Variants in GP1BA observed in about 807,000 individuals in gnomAD.
The protein encoded by GP1BA is platelet glycoprotein Ib alpha chain.
A neutral mutation model predicts 5.6 loss-of-function variants in GP1BA; 3 were observed. That is an observed-to-expected ratio of 0.53 (90% confidence interval 0.24 to 1.38). The LOEUF (loss-of-function observed/expected upper bound fraction) is 1.38, where lower values mean the gene tolerates loss of function less well. Ranked by LOEUF, GP1BA falls within the 40% of genes most tolerant of loss-of-function variation. GP1BA has a pLI of 0.16. For missense variants in GP1BA, 707 were observed against 801.4 expected, an observed-to-expected ratio of 0.88 and a Z score of 1.42; for synonymous variants, 323 against 358.3, an observed-to-expected ratio of 0.90 and a Z score of 1.11.
At position 4,932,983 on chromosome 17, in the gene GP1BA, C is replaced by A. The variant is rs188674426; in HGVS notation, c.379C>A (p.Arg127=). Residue 127 remains arginine (R), a synonymous_variant, in exon 2 of 2, where the codon CGG becomes AGG. Transcript: ENST00000329125. This position sits in a 1 kb window ranked among gnomAD's most constrained non-coding sequence, Gnocchi z 4.8. ...CACCGTCCTGGACGTCTCCTTCAAC[C>A]GGCTGACCTCGCTGCCTCTTGGTGC... The part of the protein sequence containing the change: ...ALTVLDVSFN[R]LTSLPLGALR... 4 of 1,614,026 alleles carry A rather than the reference C, an allele frequency of 2.5e-6. No individual in the cohort carries two copies. In the Admixed American group the frequency reaches 6.7e-5, roughly 27 times the overall value.
At position 4,932,776 on chromosome 17, in the gene GP1BA, C is replaced by T. The variant is rs751326171; in HGVS notation, c.172C>T (p.Leu58Phe). The change falls in exon 2 of 2, where the codon CTC (leucine) becomes TTC (phenylalanine). Residue 58 changes from leucine to phenylalanine, a missense_variant. Physicochemically the swap from Leu to Phe is conservative, Grantham distance 22. Transcript: ENST00000329125. This position sits in a 1 kb window ranked among gnomAD's most constrained non-coding sequence, Gnocchi z 4.8. Reference sequence around the variant, plus strand: ...AACCATCCTCCACCTGAGTGAGAACCTCCTGTACACCTTCTCCCTGGCAAC... The same window carrying T: ...AACCATCCTCCACCTGAGTGAGAACTTCCTGTACACCTTCTCCCTGGCAAC... ...DTTILHLSEN[L>F]LYTFSLATLM... 1 of 1,614,014 alleles carries T rather than the reference C, an allele frequency of 6.2e-7. No homozygotes were observed. The highest frequency in any genetic ancestry group is 2.2e-5 in the East Asian group (1 of 44,892).
In GP1BA at chr17:4,934,448, CTAATG is replaced by C. The variant is rs772106076; in HGVS notation, c.1845_1849del (p.Asn616ProfsTer29). 6.8e-4 allele frequency: 1,103 copies of C among 1,613,946 alleles called. 1 individual carries two copies. Among genetic ancestry groups the C allele is most frequent in the Non-Finnish European group, 8.4e-4 (997 of 1,179,914 alleles). On this transcript the variant is annotated frameshift_variant, in exon 2 of 2. Transcript: ENST00000329125. LOFTEE classifies it high-confidence loss of function. Reference sequence around the variant, plus strand: ...TCCAGCCTCTTCCTGTGGGTACGGCCTAATGGCCGTGTGGGGCCTCTAGTGGCAGG... The same window carrying C: ...TCCAGCCTCTTCCTGTGGGTACGGCCGCCGTGTGGGGCCTCTAGTGGCAGG...
At position 4,934,881 on chromosome 17, in the gene GP1BA, G is replaced by T; in HGVS notation, c.*318G>T. 1 of 424,498 alleles carries T rather than the reference G, an allele frequency of 2.4e-6. No homozygotes were observed. The highest frequency in any genetic ancestry group is 2.8e-5 in the South Asian group (1 of 35,536). The allele number at this position is 424,498 out of a possible 1,614,324, so 26.3% of individuals were successfully genotyped here. On this transcript the variant is annotated 3_prime_UTR_variant, in exon 2 of 2. Coordinates refer to ENST00000329125, the MANE Select transcript of GP1BA (RefSeq NM_000173.7). ...GCATCTATGCACAGAAGAAAATCTGGAAAGTGATTTATCAGGATGTGAGCA... is the reference window on the plus strand; with the variant it reads ...GCATCTATGCACAGAAGAAAATCTGTAAAGTGATTTATCAGGATGTGAGCA...
In GP1BA at chr17:4,934,170, C is replaced by T. The variant is rs1366265107; in HGVS notation, c.1566C>T (p.His522=). 1.2e-6 allele frequency: 2 copies of T among 1,613,902 alleles called. No individual in the cohort carries two copies. The highest frequency in any genetic ancestry group is 1.1e-5 in the South Asian group (1 of 91,082). ...GCTCCAGAAATGACCCTTTTCTCCACCCCGACTTTTGCTGCCTCCTCCCCC... is the reference window on the plus strand; with the variant it reads ...GCTCCAGAAATGACCCTTTTCTCCATCCCGACTTTTGCTGCCTCCTCCCCC... ...LESSRNDPFL[H]PDFCCLLPLG... Residue 522 remains histidine, a synonymous_variant, in exon 2 of 2, where the codon CAC becomes CAT. Transcript: ENST00000329125.
rs746407497 is a variant in GP1BA at position 4,932,891 on chromosome 17, G to A, written c.287G>A (p.Gly96Glu). 3.1e-6 allele frequency: 5 copies of A among 1,613,958 alleles called. No individual in the cohort carries two copies. The South Asian group carries it at 4.4e-5, about 14-fold the overall frequency. The change falls in exon 2 of 2, where the codon GGG becomes GAG. Residue 96 changes from glycine (G) to glutamate (E), a missense_variant. Coordinates refer to ENST00000329125, the MANE Select transcript of GP1BA (RefSeq NM_000173.7). This position sits in a 1 kb window ranked among gnomAD's most constrained non-coding sequence, Gnocchi z 4.8. ...LQVDGTLPVL[G>E]TLDLSHNQLQ... ...GTCGATGGGACGCTGCCAGTGCTGG[G>A]GACCCTGGATCTATCCCACAATCAG...
Position 4,933,181 on chromosome 17 carries a change from C to G in GP1BA, c.577C>G (p.Leu193Val). The change falls in exon 2 of 2, where the codon CTT (leucine) becomes GTT (valine). Residue 193 changes from leucine (L) to valine (V), a missense_variant. Coordinates refer to ENST00000329125, the MANE Select transcript of GP1BA (RefSeq NM_000173.7). ...LLNGLENLDT[L>V]LLQENSLYTI... Reference sequence around the variant, plus strand: ...GAATGGGCTGGAGAATCTCGACACCCTTCTCCTCCAAGAGAACTCGCTGTA... The same window carrying G: ...GAATGGGCTGGAGAATCTCGACACCGTTCTCCTCCAAGAGAACTCGCTGTA... 10 of 1,614,006 alleles carry G rather than the reference C, an allele frequency of 6.2e-6. No individual in the cohort carries two copies. The highest frequency in any genetic ancestry group is 8.5e-6 in the Non-Finnish European group (10 of 1,179,878).
chr17:4,932,687 A>G lies in GP1BA; in HGVS notation c.83A>G (p.His28Arg). The stretch of plus-strand genomic sequence containing the variant: ...TGTGAGGTCTCCAAAGTGGCCAGCC[A>G]CCTAGAAGTGAACTGTGACAAGAGG... ...PICEVSKVAS[H>R]LEVNCDKRNL... The change falls in exon 2 of 2, where the codon CAC (histidine) becomes CGC (arginine). Residue 28 changes from histidine to arginine, a missense_variant. This residue lies in a region of GP1BA where 442 missense variants were observed against 498.8 expected (regional missense o/e 0.89). Transcript: ENST00000329125. This position sits in a 1 kb window ranked among gnomAD's most constrained non-coding sequence, Gnocchi z 4.8. The G allele has an allele frequency of 6.2e-7, 1 of 1,613,880 alleles. No homozygotes were observed. Among genetic ancestry groups the G allele is most frequent in the Non-Finnish European group, 8.5e-7 (1 of 1,179,848 alleles).
Position 4,932,848 on chromosome 17 carries a change from G to A in GP1BA, c.244G>A (p.Glu82Lys), listed in dbSNP as rs201512242. 9.9e-6 allele frequency: 16 copies of A among 1,614,014 alleles called. No homozygotes were observed. The highest frequency in any genetic ancestry group is 5.0e-5 in the Admixed American group (3 of 60,020). Residue 82 changes from glutamate (E) to lysine (K), a missense_variant, in exon 2 of 2, where the codon GAG becomes AAG. Transcript: ENST00000329125. This position sits in a 1 kb window ranked among gnomAD's most constrained non-coding sequence, Gnocchi z 4.8. ...RLTQLNLDRC[E>K]LTKLQVDGTL... ...CACTCAGCTGAACCTAGATAGGTGCGAGCTCACCAAGCTCCAGGTCGATGG... is the reference window on the plus strand; with the variant it reads ...CACTCAGCTGAACCTAGATAGGTGCAAGCTCACCAAGCTCCAGGTCGATGG...
Position 4,934,406 on chromosome 17 carries a change from C to T in GP1BA, c.1802C>T (p.Ser601Leu), listed in dbSNP as rs374187529. Residue 601 changes from serine (S) to leucine (L), a missense_variant, in exon 2 of 2, where the codon TCG becomes TTG. This residue lies in a region of GP1BA where 247 missense variants were observed against 246.6 expected (regional missense o/e 1.00). Coordinates refer to ENST00000329125, the MANE Select transcript of GP1BA (RefSeq NM_000173.7). ...PRAWLLFLRGSLPTFRSSLFL... is the reference protein window; with the variant it reads ...PRAWLLFLRGLLPTFRSSLFL... ...GCCTGGCTGCTCTTCCTTCGAGGTT[C>T]GCTTCCCACTTTCCGCTCCAGCCTC... 2.1e-5 allele frequency: 34 copies of T among 1,613,934 alleles called. No individual in the cohort carries two copies. Among genetic ancestry groups the T allele is most frequent in the African/African-American group, 2.7e-5 (2 of 74,950 alleles).
Position 4,934,112 on chromosome 17 carries a change from AG to A in GP1BA, c.1509del (p.Lys503AsnfsTer50), listed in dbSNP as rs2151108530. 2 of 1,613,812 alleles carry A rather than the reference AG, an allele frequency of 1.2e-6. No homozygotes were observed. Among genetic ancestry groups the A allele is most frequent in the Non-Finnish European group, 1.7e-6 (2 of 1,179,896 alleles). On this transcript the variant is annotated frameshift_variant, in exon 2 of 2. Transcript: ENST00000329125. LOFTEE classifies it low-confidence loss of function (END_TRUNC). ...ATCCCTGAACTTGATCAGCCACCAA[AG>A]CTCCGTGGGGTGCTCCAAGGGCATT... ...KTIPELDQPP[K>X]LRGVLQGHLE...
chr17:4,934,363 C>G lies in GP1BA; in HGVS notation c.1759C>G (p.Gln587Glu). Reference sequence around the variant, plus strand: ...ACACCTGGAGCTGCAGAGGGGACGGCAAGTGACAGTGCCCCGGGCCTGGCT... The same window carrying G: ...ACACCTGGAGCTGCAGAGGGGACGGGAAGTGACAGTGCCCCGGGCCTGGCT... ...TTHLELQRGR[Q>E]VTVPRAWLLF... Residue 587 changes from glutamine to glutamate, a missense_variant, in exon 2 of 2, where the codon CAA becomes GAA. By Grantham distance (29) the Gln-to-Glu change is conservative. Transcript: ENST00000329125. 1 of 1,614,046 alleles carries G rather than the reference C, an allele frequency of 6.2e-7. No homozygotes were observed.
chr17:4,934,805 G>A lies in GP1BA; in HGVS notation c.*242G>A. Reference sequence around the variant, plus strand: ...AGCTCCCGATGCTGCATGGGGCGCTGCCAGATCTCACGGTGAACCATTTTG... The same window carrying A: ...AGCTCCCGATGCTGCATGGGGCGCTACCAGATCTCACGGTGAACCATTTTG... On this transcript the variant is annotated 3_prime_UTR_variant, in exon 2 of 2. Coordinates refer to ENST00000329125, the MANE Select transcript of GP1BA (RefSeq NM_000173.7). 1.7e-6 allele frequency: 1 copy of A among 588,400 alleles called. No individual in the cohort carries two copies. The highest frequency in any genetic ancestry group is 3.1e-6 in the Non-Finnish European group (1 of 320,796). The allele number at this position is 588,400 out of a possible 1,614,324, so 36.4% of individuals were successfully genotyped here.
At position 4,934,287 on chromosome 17, in the gene GP1BA, G is replaced by T. The variant is rs765422613; in HGVS notation, c.1683G>T (p.Gln561His). 3.0e-5 allele frequency: 48 copies of T among 1,613,886 alleles called. No homozygotes were observed. The highest frequency in any genetic ancestry group is 1.6e-4 in the Middle Eastern group (1 of 6,084). The change falls in exon 2 of 2, where the codon CAG (glutamine) becomes CAT (histidine). Residue 561 changes from glutamine to histidine, a missense_variant. Physicochemically the swap from Gln to His is conservative, Grantham distance 24. Transcript: ENST00000329125. ...LLSWVGHVKP[Q>H]ALDSGQGAAL... ...GCTGGGTTGGGCATGTGAAACCACA[G>T]GCCCTGGACTCTGGCCAAGGTGCTG...
rs376535076 is a variant in GP1BA, at chr17:4,934,312, G to A, written c.1708G>A (p.Ala570Thr). The change falls in exon 2 of 2, where the codon GCT becomes ACT. Residue 570 changes from alanine (A) to threonine (T), a missense_variant. Transcript: ENST00000329125. ...GGCCCTGGACTCTGGCCAAGGTGCT[G>A]CTCTGACCACAGCCACACAAACCAC... ...PQALDSGQGA[A>T]LTTATQTTHL... 2.5e-5 allele frequency: 40 copies of A among 1,613,888 alleles called. No individual in the cohort carries two copies. Among genetic ancestry groups the A allele is most frequent in the African/African-American group, 4.0e-5 (3 of 74,942 alleles).
rs372318762 is a variant in GP1BA at position 4,933,303 on chromosome 17, T to A, written c.699T>A (p.Arg233=). 4.3e-6 allele frequency: 7 copies of A among 1,613,890 alleles called. No homozygotes were observed. In the African/African-American group the frequency reaches 9.3e-5, roughly 22 times the overall value. ...GCAACTGTGAGATCCTCTATTTTCG[T>A]CGCTGGCTGCAGGACAATGCTGAAA... is the stretch of plus-strand genomic sequence containing the variant. ...WLCNCEILYF[R]RWLQDNAENV... The change falls in exon 2 of 2, where the codon CGT becomes CGA. Residue 233 remains arginine, a synonymous_variant. Coordinates refer to ENST00000329125, the MANE Select transcript of GP1BA (RefSeq NM_000173.7).
Position 4,932,304 on chromosome 17 carries a change from G to C in GP1BA, c.-68G>C. 1 of 1,252,576 alleles carries C rather than the reference G, an allele frequency of 8.0e-7. No individual in the cohort carries two copies. The allele number at this position is 1,252,576 out of a possible 1,614,324, so 77.6% of individuals were successfully genotyped here. ...TCCTCCATGGGGCTAGAAGAGAGAA[G>C]GACGGAGTCGAGTGGCACCCTAGAA... On this transcript the variant is annotated 5_prime_UTR_variant, in exon 1 of 2. Coordinates refer to ENST00000329125, the MANE Select transcript of GP1BA (RefSeq NM_000173.7). The surrounding 1 kb of genome is among the most constrained non-coding windows in gnomAD (Gnocchi z 4.8).
rs917802160 is a variant in GP1BA, at chr17:4,933,957, G to A, written c.1353G>A (p.Glu451=). The A allele has an allele frequency of 6.6e-7, 1 of 1,522,172 alleles. No homozygotes were observed. The highest frequency in any genetic ancestry group is 2.5e-5 in the East Asian group (1 of 39,826). 94.3% of individuals were successfully genotyped at this position (1,522,172 alleles called of 1,614,324 possible). A position where few individuals can be genotyped will look rare whatever the true frequency, so the allele number is the denominator to read the frequency against. ...SEPAPSPTTP[E]PTPIPTIATS... is the part of the protein sequence containing the mutation. ...CCGCCCCCAGCCCGACCACCCCGGA[G>A]CCCACCCCAATCCCGACCATCGCCA... Residue 451 remains glutamate (E), a synonymous_variant, in exon 2 of 2, where the codon GAG becomes GAA. Transcript: ENST00000329125.
At position 4,933,674 on chromosome 17, in the gene GP1BA, C is replaced by T; in HGVS notation, c.1070C>T (p.Pro357Leu). ...ESTKEQTTFP[P>L]RWTPNFTLHM... ...ACTAAGGAGCAGACCACATTCCCAC[C>T]TAGATGGACCCCAAATTTCACACTT... Residue 357 changes from proline to leucine, a missense_variant, in exon 2 of 2, where the codon CCT becomes CTT. Transcript: ENST00000329125. 1 of 1,613,970 alleles carries T rather than the reference C, an allele frequency of 6.2e-7. No individual in the cohort carries two copies. The highest frequency in any genetic ancestry group is 8.5e-7 in the Non-Finnish European group (1 of 1,179,878).
In GP1BA at chr17:4,932,370, G is replaced by T. The variant is rs533642642; in HGVS notation, c.-7+5G>T. On this transcript the variant is annotated splice_donor_5th_base_variant and intron_variant, in intron 1 of 1. Transcript: ENST00000329125. The surrounding 1 kb of genome is among the most constrained non-coding windows in gnomAD (Gnocchi z 4.8). ...CGGAGGTCTTTCTGCCTGCCTGTAA[G>T]CCGGGGTTGGTGCTGGGGCAGGAGA... 3 of 1,390,098 alleles carry T rather than the reference G, an allele frequency of 2.2e-6. No individual in the cohort carries two copies. The highest frequency in any genetic ancestry group is 3.3e-5 in the South Asian group (2 of 60,492). 86.1% of individuals were successfully genotyped at this position (1,390,098 alleles called of 1,614,324 possible). A position where few individuals can be genotyped will look rare whatever the true frequency, so the allele number is the denominator to read the frequency against.
Sources: allele counts gnomAD v4.1 joint callset, GRCh38; gene constraint gnomAD v4.1.1; regional missense constraint gnomAD v4.1.1; non-coding constraint Gnocchi (gnomAD v3.1); transcripts MANE v1.5; gene names NCBI Gene and HGNC (gene_info 2026-07-23, HGNC 2026-07-21).